The following PRMT3 variants were observed in gnomAD, a reference collection of about 807,000 sequenced individuals.
PRMT3 encodes protein arginine methyltransferase 3, also known as protein arginine N-methyltransferase 3.
In PRMT3, 62 loss-of-function variants were observed where a neutral mutation model predicts 71.9. That is an observed-to-expected ratio of 0.86 (90% CI 0.70 to 1.07). The LOEUF (loss-of-function observed/expected upper bound fraction) is 1.07. Ranked by LOEUF, PRMT3 falls within the 50% of genes least tolerant of loss-of-function variation. PRMT3 has a pLI of 0.00. For synonymous variants in PRMT3, 213 were observed against 220.4 expected (o/e 0.97, Z 0.30); for missense variants, 663 against 643.0 (o/e 1.03, Z -0.34).
At position 20,509,295 on chromosome 11, in the gene PRMT3, T is replaced by A. The variant is rs1021142941; in HGVS notation, c.*882T>A. 2 of 152,092 alleles carry A rather than the reference T, an allele frequency of 1.3e-5. No individual in the cohort carries two copies. The highest frequency in any genetic ancestry group is 2.9e-5 in the Non-Finnish European group (2 of 68,022). The allele number at this position is 152,092 out of a possible 1,614,324, so 9.4% of individuals were successfully genotyped here. ...CAACTTATAAAATATTTTAAAAATA[T>A]TGATATTATAAAAGTTTTCAATAAA... On this transcript the variant is annotated 3_prime_UTR_variant, in exon 16 of 16. Coordinates refer to ENST00000331079, the MANE Select transcript of PRMT3 (RefSeq NM_005788.4).
At position 20,494,402 on chromosome 11, in the gene PRMT3, C is replaced by T. The variant is rs542839209; in HGVS notation, c.1486+148C>T. 209 of 694,514 alleles carry T rather than the reference C, an allele frequency of 3.0e-4. 1 individual carries two copies. Among genetic ancestry groups the T allele is most frequent in the Middle Eastern group, 2.5e-3 (6 of 2,420 alleles). The allele number at this position is 694,514 out of a possible 1,614,324, so 43.0% of individuals were successfully genotyped here. Reference sequence around the variant, plus strand: ...CACCCAGGCTGGAGAACAGTGATCTCGGCTCACTGCAACCTCCATCCCCTG... The same window carrying T: ...CACCCAGGCTGGAGAACAGTGATCTTGGCTCACTGCAACCTCCATCCCCTG... On this transcript the variant is annotated intron_variant, in intron 15 of 15. Transcript: ENST00000331079.
In PRMT3 at chr11:20,508,324, G is replaced by T; in HGVS notation, c.1507G>T (p.Val503Phe). Residue 503 changes from valine to phenylalanine, a missense_variant, in exon 16 of 16, where the codon GTC becomes TTC. By Grantham distance (50) the Val-to-Phe change is conservative. Coordinates refer to ENST00000331079, the MANE Select transcript of PRMT3 (RefSeq NM_005788.4). ...TACAGGTGAAGCCTTGAAAGGAAAG[G>T]TCACAGTTCACAAGAATAAGAAAGA... ...VKAGEALKGK[V>F]TVHKNKKDPR... The T allele has an allele frequency of 6.2e-7, 1 of 1,608,858 alleles. No individual in the cohort carries two copies. Among genetic ancestry groups the T allele is most frequent in the Non-Finnish European group, 8.5e-7 (1 of 1,175,468 alleles).
intron 15 of PRMT3, among the ~76,000 whole-genome samples, chr11:20,502,065 T>C (rs946243009): frequency 5.3e-5 from 8 of 152,212 alleles, no homozygotes; most frequent in African/African-American, 1.9e-4. Context: ...ACTGTAACAA[T>C]TAAAATGAAG....
intron 15 of PRMT3, among the ~76,000 whole-genome samples, chr11:20,494,785 T>A (rs1393784524): frequency 1.3e-5 from 2 of 152,218 alleles, no homozygotes; most frequent in Non-Finnish European, 2.9e-5. Flanking sequence ...TAAGACTACC[T>A]GGCTCTTAAA....
intron 10 of PRMT3, among the ~76,000 whole-genome samples, chr11:20,440,990 C>T (rs1849881086): frequency 2.2e-5 from 1 of 45,828 alleles, no homozygotes; most frequent in Admixed American, 1.6e-4. Flanking sequence ...GTAGTTTCAC[C>T]TCTCCCTTTT....
intron 13 of PRMT3, among the ~76,000 whole-genome samples, chr11:20,480,035 G>A (rs1850892471): frequency 6.6e-6 from 1 of 152,010 alleles, no homozygotes; most frequent in Non-Finnish European, 1.5e-5. Flanking sequence ...GATTTAAAAA[G>A]GGGGGAAAGG....
Position 20,452,774 on chromosome 11 carries a change from C to T in PRMT3, c.1072+566C>T, listed in dbSNP as rs114222807. Among the ~76,000 whole-genome samples, 248 of 152,300 alleles carry T rather than the reference C, an allele frequency of 1.6e-3. 1 individual carries two copies. The highest frequency in any genetic ancestry group is 6.8e-3 in the Middle Eastern group (2 of 292). The stretch of plus-strand genomic sequence containing the variant: ...AAAACATTTAATCATATTAACTCTG[C>T]ATACTCAGAGTGAGATTCTGTTTTT... On this transcript the variant is annotated intron_variant, in intron 11 of 15. Coordinates refer to ENST00000331079, the MANE Select transcript of PRMT3 (RefSeq NM_005788.4).
intron 9 of PRMT3, among the ~76,000 whole-genome samples, chr11:20,421,719 T>C (rs1167034727): frequency 2.0e-5 from 3 of 152,198 alleles, no homozygotes; most frequent in Admixed American, 1.3e-4. Context: ...TTTTCCCTTG[T>C]CCTTTCTTTC....
chr11:20,495,822 G>A (rs1453201175), intron 15 of PRMT3, among the ~76,000 whole-genome samples: 1 of 152,144 alleles, frequency 6.6e-6, no homozygotes, highest in Non-Finnish European at 1.5e-5. Context: ...ATAACAAGCT[G>A]CAGTGAAAAA....
In PRMT3 at chr11:20,422,010, G is replaced by A. The variant is rs544719526; in HGVS notation, c.894-4756G>A. Among the ~76,000 whole-genome samples the A allele has an allele frequency of 4.6e-5, 7 of 152,202 alleles. No individual in the cohort carries two copies. In the East Asian group the frequency reaches 1.3e-3, roughly 29 times the overall value. ...AGAAGGACTGTTTGCTTTATATGTGGGGAAGAGAGTATGGCAGTTACCCCT... is the reference window on the plus strand; with the variant it reads ...AGAAGGACTGTTTGCTTTATATGTGAGGAAGAGAGTATGGCAGTTACCCCT... On this transcript the variant is annotated intron_variant, in intron 9 of 15. Transcript: ENST00000331079.
At chr11:20,424,959 C>CCAGG (rs1849512848) in intron 9 of PRMT3, among the ~76,000 whole-genome samples, 1 of 152,040 alleles carries the variant, frequency 6.6e-6, no homozygotes, top group Admixed American at 6.6e-5. Flanking sequence ...CAAATATTAG[C>CCAGG]CAGGCATGGT....
At chr11:20,478,561 A>G (rs914412596) in intron 13 of PRMT3, among the ~76,000 whole-genome samples, 8 of 152,014 alleles carry the variant, frequency 5.3e-5, no homozygotes, top group Admixed American at 3.3e-4. Flanking sequence ...TACTTGATAA[A>G]TGATAGAGAT....
intron 15 of PRMT3, among the ~76,000 whole-genome samples, chr11:20,501,398 G>A (rs1015639924): frequency 3.3e-5 from 5 of 152,142 alleles, no homozygotes; most frequent in African/African-American, 1.2e-4. Flanking sequence ...CTATGCCAAG[G>A]TCATCTAGTG....
chr11:20,493,330 A>G (rs886506804), intron 13 of PRMT3, among the ~76,000 whole-genome samples: 1 of 152,250 alleles, frequency 6.6e-6, no homozygotes, highest in Admixed American at 6.5e-5. Context: ...ATACTGGACT[A>G]GAAGAAATTA....
At chr11:20,456,907 C>T (rs904371599) in intron 11 of PRMT3, among the ~76,000 whole-genome samples, 3 of 151,460 alleles carry the variant, frequency 2.0e-5, no homozygotes, top group African/African-American at 7.3e-5. Context: ...GGAGTCTGTC[C>T]CTGTCACCCA....
intron 9 of PRMT3, among the ~76,000 whole-genome samples, chr11:20,425,106 T>TA (rs35341753): frequency 0.043 from 5,926 of 136,502 alleles, 347 homozygotes; most frequent in African/African-American, 0.14. Context: ...ACCCTGTCTT[T>TA]AAAAAAAAAA....
intron 13 of PRMT3, among the ~76,000 whole-genome samples, chr11:20,487,142 A>G (rs867092308): frequency 1.3e-5 from 2 of 152,184 alleles, no homozygotes; most frequent in Non-Finnish European, 2.9e-5. Context: ...AATTTGCCTT[A>G]AAAACCTGTG....
At position 20,500,278 on chromosome 11, in the gene PRMT3, G is replaced by A. The variant is rs181241394; in HGVS notation, c.1486+6024G>A. The stretch of plus-strand genomic sequence containing the variant: ...TTAAAGAAAACTTAAATAATGGAGA[G>A]ATATACTCTGAATTGGAACACTTAA... On this transcript the variant is annotated intron_variant, in intron 15 of 15. Transcript: ENST00000331079. Among the ~76,000 whole-genome samples, 4 of 152,268 alleles carry A rather than the reference G, an allele frequency of 2.6e-5. No individual in the cohort carries two copies. In the East Asian group the frequency reaches 7.7e-4, roughly 29 times the overall value.
At chr11:20,493,277 CTT>C (rs1851253545) in intron 13 of PRMT3, among the ~76,000 whole-genome samples, 1 of 151,832 alleles carries the variant, frequency 6.6e-6, no homozygotes, top group African/African-American at 2.4e-5. Flanking sequence ...TTTTAAAAAT[CTT>C]TATTTCATCA....
Sources: gnomAD v4.1 joint callset for allele counts (sites outside exome capture counted in the v4.1 genomes callset) on GRCh38, gnomAD v4.1.1 for gene constraint, MANE v1.5 for transcripts, NCBI Gene and HGNC (gene_info 2026-07-23, HGNC 2026-07-21) for gene names.